Variants in KMT2D observed in about 807,000 individuals in gnomAD.
KMT2D encodes lysine methyltransferase 2D.
Under a neutral mutation model 512.7 loss-of-function variants are expected in KMT2D, and 55 were observed. The ratio of observed to expected loss-of-function variants is 0.11; its 90% CI spans 0.09 to 0.13. The LOEUF is 0.13. Ranked by LOEUF, KMT2D falls within the 10% of genes least tolerant of loss-of-function variation. The pLI is 1.00. For synonymous variants in KMT2D, 2,995 were observed against 2,904.0 expected, an observed-to-expected ratio of 1.03 and a Z score of -1.01; for missense variants, 6,061 against 7,127.9, an observed-to-expected ratio of 0.85 and a Z score of 5.39.
rs1943590135 is a variant in KMT2D at position 49,042,537 on chromosome 12, C to T, written c.5867+24G>A. On this transcript the variant is annotated intron_variant, in intron 28 of 54. Coordinates refer to ENST00000301067, the MANE Select transcript of KMT2D (RefSeq NM_003482.4). This position sits in a 1 kb window ranked among gnomAD's most constrained non-coding sequence, Gnocchi z 4.4. ...GGGAAAGGACAACGAGGACTGCCCA[C>T]AAAGGTTACGCAGAGACACCAACCT... The T allele has an allele frequency of 6.2e-7, 1 of 1,611,166 alleles. No individual in the cohort carries two copies. Among genetic ancestry groups the T allele is most frequent in the South Asian group, 1.1e-5 (1 of 90,870 alleles).
Position 49,041,851 on chromosome 12 carries a change from A to G in KMT2D, c.6183+66T>C. ...AGTGGGGAGCGGAAAGAACTGAGGT[A>G]AATTACCCAAAGATCCCTCCCTCCC... On this transcript the variant is annotated intron_variant, in intron 30 of 54. Coordinates refer to ENST00000301067, the MANE Select transcript of KMT2D (RefSeq NM_003482.4). The surrounding 1 kb of genome is among the most constrained non-coding windows in gnomAD (Gnocchi z 5.4). The G allele has an allele frequency of 6.5e-7, 1 of 1,535,092 alleles. No homozygotes were observed.
In KMT2D at chr12:49,024,652, A is replaced by G; in HGVS notation, c.15978T>C (p.Leu5326=). Residue 5326 remains leucine (L), a synonymous_variant, in exon 51 of 55, where the codon CTT becomes CTC. Transcript: ENST00000301067. The surrounding 1 kb of genome is among the most constrained non-coding windows in gnomAD (Gnocchi z 4.5). ...NYLFRYGRHP[L]MELPLMINPT... The stretch of plus-strand genomic sequence containing the variant: ...GGTTGATCATGAGTGGCAGCTCCAT[A>G]AGGGGGTGGCGCCCATAGCGGAATA... 6.2e-7 allele frequency: 1 copy of G among 1,613,802 alleles called. No individual in the cohort carries two copies. Among genetic ancestry groups the G allele is most frequent in the Middle Eastern group, 1.7e-4 (1 of 6,060 alleles).
At chr12:49,023,927 C>A in intron 51 of KMT2D, 1 of 374,598 alleles carries the variant, frequency 2.7e-6, no homozygotes, top group Non-Finnish European at 5.2e-6. Flanking sequence ...ACAGAAAGAA[C>A]AAGGACCTGC....
In KMT2D at chr12:49,046,273, G is replaced by A. The variant is rs1411795103; in HGVS notation, c.4570C>T (p.Arg1524Cys). 1.6e-5 allele frequency: 26 copies of A among 1,613,856 alleles called. No individual in the cohort carries two copies. The highest frequency in any genetic ancestry group is 2.1e-5 in the Non-Finnish European group (25 of 1,179,884). The change falls in exon 17 of 55, where the codon CGC becomes TGC. Residue 1524 changes from arginine to cysteine, a missense_variant. By Grantham distance (180) the Arg-to-Cys change is radical. Transcript: ENST00000301067. This position sits in a 1 kb window ranked among gnomAD's most constrained non-coding sequence, Gnocchi z 4.2. The part of the protein sequence containing the change: ...YVEEDLLIQC[R>C]HCERWMHAGC... ...GGATGTTCTCACCGTTCACAGTGGC[G>A]GCACTGGATTAGTAGGTCCTCTTCT...
chr12:49,033,973 G>T lies in KMT2D; in HGVS notation c.10741-9C>A. The T allele has an allele frequency of 6.5e-7, 1 of 1,536,100 alleles. No individual in the cohort carries two copies. The highest frequency in any genetic ancestry group is 2.4e-5 in the East Asian group (1 of 41,038). ...TTCTGCTGTTTCCGGACCTAACATGGGAGGGTCGGAGAGGTCAGGCTGGGG... is the reference window on the plus strand; with the variant it reads ...TTCTGCTGTTTCCGGACCTAACATGTGAGGGTCGGAGAGGTCAGGCTGGGG... On this transcript the variant is annotated splice_polypyrimidine_tract_variant and intron_variant, in intron 39 of 54. Coordinates refer to ENST00000301067, the MANE Select transcript of KMT2D (RefSeq NM_003482.4).
Position 49,044,672 on chromosome 12 carries a change from C to A in KMT2D, c.4963+72G>T, listed in dbSNP as rs1565804068. The A allele has an allele frequency of 3.9e-6, 6 of 1,552,028 alleles. No individual in the cohort carries two copies. Among genetic ancestry groups the A allele is most frequent in the Non-Finnish European group, 4.4e-6 (5 of 1,133,370 alleles). ...AAGGGTAACTGAGTGGCAATGTAGC[C>A]CCCACCCAACATCCCACTCCCAGAG... On this transcript the variant is annotated intron_variant, in intron 20 of 54. Transcript: ENST00000301067. The surrounding 1 kb of genome is among the most constrained non-coding windows in gnomAD (Gnocchi z 6.4).
chr12:49,058,453 A>T (rs1565829655), intron 1 of KMT2D, among the ~76,000 whole-genome samples: 1 of 152,202 alleles, frequency 6.6e-6, no homozygotes, highest in Non-Finnish European at 1.5e-5. Context: ...GGAGCAGATA[A>T]GAGTGAGGGA....
In KMT2D at chr12:49,051,836, G is replaced by A. The variant is rs1421394707; in HGVS notation, c.1847C>T (p.Pro616Leu). 2 of 1,612,388 alleles carry A rather than the reference G, an allele frequency of 1.2e-6. No individual in the cohort carries two copies. Among genetic ancestry groups the A allele is most frequent in the Non-Finnish European group, 1.7e-6 (2 of 1,179,080 alleles). ...TGATGCCTCAGGTGGTGGGGAAAGG[G>A]GAGACTCCTCAGGTGGAGGGGACAG... ...SPLSPPPEES[P>L]LSPPPEASRL... is the part of the protein sequence containing the mutation. Residue 616 changes from proline (P) to leucine (L), a missense_variant, in exon 11 of 55, where the codon CCC becomes CTC. By Grantham distance (98) the Pro-to-Leu change is moderately conservative. Around this residue, in one of 16 missense-constraint regions of KMT2D, gnomAD observed 848 missense variants for 838.5 expected, o/e 1.01. Coordinates refer to ENST00000301067, the MANE Select transcript of KMT2D (RefSeq NM_003482.4).
In KMT2D at chr12:49,050,650, T is replaced by A. The variant is rs2120654630; in HGVS notation, c.2938A>T (p.Thr980Ser). 5.0e-6 allele frequency: 8 copies of A among 1,612,732 alleles called. No homozygotes were observed. The highest frequency in any genetic ancestry group is 6.8e-6 in the Non-Finnish European group (8 of 1,179,466). Residue 980 changes from threonine to serine, a missense_variant, in exon 12 of 55, where the codon ACA (threonine) becomes TCA (serine). This residue lies in a region of KMT2D where 447 missense variants were observed against 500.1 expected (regional missense o/e 0.89). Coordinates refer to ENST00000301067, the MANE Select transcript of KMT2D (RefSeq NM_003482.4). Reference sequence around the variant, plus strand: ...GCTTCTGGTGGAGGGCTGATGGGTGTCTCCAGGATGGGGGCAGCCAACGGT... The same window carrying A: ...GCTTCTGGTGGAGGGCTGATGGGTGACTCCAGGATGGGGGCAGCCAACGGT... ...ESPLAAPILE[T>S]PISPPPEANC...
intron 15 of KMT2D, among the ~76,000 whole-genome samples, chr12:49,047,677 C>T (rs1224536876): frequency 6.6e-6 from 1 of 151,794 alleles, no homozygotes; most frequent in Non-Finnish European, 1.5e-5. Context: ...ACCTAGGCCT[C>T]CCAAAGTGCT....
chr12:49,029,047 AG>A lies in KMT2D; in HGVS notation c.14251+13del. Reference sequence around the variant, plus strand: ...GGTGAACTGGGCCTGGCCCACATCCAGAGTAGCACATACCTGGGATGCTGGC... The same window carrying A: ...GGTGAACTGGGCCTGGCCCACATCCAAGTAGCACATACCTGGGATGCTGGC... On this transcript the variant is annotated intron_variant, in intron 45 of 54. Transcript: ENST00000301067. 6.2e-7 allele frequency: 1 copy of A among 1,601,458 alleles called. No individual in the cohort carries two copies. Among genetic ancestry groups the A allele is most frequent in the Non-Finnish European group, 8.5e-7 (1 of 1,171,620 alleles).
intron 7 of KMT2D, 25 bp from the exon 8 acceptor site, chr12:49,053,346 A>G: frequency 1.2e-6 from 2 of 1,604,832 alleles, no homozygotes; most frequent in Non-Finnish European, 1.7e-6. Context: ...GGAACATTAC[A>G]GTGTCCTCTC....
rs1943126361 is a variant in KMT2D at position 49,034,563 on chromosome 12, C to A, written c.10440+19G>T. 1.2e-6 allele frequency: 2 copies of A among 1,612,994 alleles called. No individual in the cohort carries two copies. The highest frequency in any genetic ancestry group is 2.7e-5 in the African/African-American group (2 of 75,042). On this transcript the variant is annotated intron_variant, in intron 37 of 54. Coordinates refer to ENST00000301067, the MANE Select transcript of KMT2D (RefSeq NM_003482.4). The stretch of plus-strand genomic sequence containing the variant: ...CAGTGGCATAAGACACAAGTTCCTA[C>A]TCCCACCTGACCACTTACCTGGCCA...
At position 49,022,121 on chromosome 12, in the gene KMT2D, A is replaced by G. The variant is rs1386561628; in HGVS notation, c.16443T>C (p.Cys5481=). 7 of 1,613,888 alleles carry G rather than the reference A, an allele frequency of 4.3e-6. No homozygotes were observed. Among genetic ancestry groups the G allele is most frequent in the Non-Finnish European group, 5.9e-6 (7 of 1,179,866 alleles). ...TGTCAAATGTCACGACTTCGGCCAC[A>G]CAGTTAGGGGCACAGGAATGGTTAA... The part of the protein sequence containing the change: ...RYINHSCAPN[C]VAEVVTFDKE... The change falls in exon 54 of 55, where the codon TGT becomes TGC. Residue 5481 remains cysteine (C), a synonymous_variant. Transcript: ENST00000301067. This position sits in a 1 kb window ranked among gnomAD's most constrained non-coding sequence, Gnocchi z 8.6.
chr12:49,036,650 G>A (rs575455235), intron 35 of KMT2D, among the ~76,000 whole-genome samples: 12 of 151,874 alleles, frequency 7.9e-5, no homozygotes, highest in African/African-American at 2.2e-4. Flanking sequence ...CACCGCGCCC[G>A]GCTCACACCC....
At position 49,055,015 on chromosome 12, in the gene KMT2D, C is replaced by T. The variant is rs2120716451; in HGVS notation, c.61G>A (p.Ala21Thr). ...KDSEPAADGP[A>T]ASEDPSATES... Reference sequence around the variant, plus strand: ...GTGGCACTTGGGTCCTCAGAAGCTGCAGGTCCATCAGCTGAATAAACAGAC... The same window carrying T: ...GTGGCACTTGGGTCCTCAGAAGCTGTAGGTCCATCAGCTGAATAAACAGAC... The change falls in exon 3 of 55, where the codon GCA (alanine) becomes ACA (threonine). Residue 21 changes from alanine to threonine, a missense_variant. By Grantham distance (58) the Ala-to-Thr change is moderately conservative (BLOSUM62 0). Coordinates refer to ENST00000301067, the MANE Select transcript of KMT2D (RefSeq NM_003482.4). 1 of 1,613,916 alleles carries T rather than the reference C, an allele frequency of 6.2e-7. No homozygotes were observed. The highest frequency in any genetic ancestry group is 2.2e-5 in the East Asian group (1 of 44,882).
rs2120530070 is a variant in KMT2D, at chr12:49,040,514, G to C, written c.7256C>G (p.Ser2419Cys). The change falls in exon 32 of 55, where the codon TCC becomes TGC. Residue 2419 changes from serine to cysteine, a missense_variant. Around this residue, in one of 16 missense-constraint regions of KMT2D, gnomAD observed 710 missense variants for 647.3 expected, o/e 1.10. Coordinates refer to ENST00000301067, the MANE Select transcript of KMT2D (RefSeq NM_003482.4). ...GGGTGTCAGTGGAGACTGGGAGCTG[G>C]ACTGGGACTGAGGACTGGCAGGCAC... ...SRVPASPQSQ[S>C]SSQSPLTPRP... 1.9e-6 allele frequency: 3 copies of C among 1,598,530 alleles called. No individual in the cohort carries two copies. Among genetic ancestry groups the C allele is most frequent in the Non-Finnish European group, 2.6e-6 (3 of 1,170,166 alleles).
rs1401724953 is a variant in KMT2D at position 49,035,732 on chromosome 12, G to A, written c.10232-797C>T. The stretch of plus-strand genomic sequence containing the variant: ...CCACCACCAAGCCCAGCTAATTTTT[G>A]TATTTTTAGTAGAAACGAGGTTTCA... On this transcript the variant is annotated intron_variant, in intron 35 of 54. Coordinates refer to ENST00000301067, the MANE Select transcript of KMT2D (RefSeq NM_003482.4). 3.3e-5 allele frequency: 5 copies of A among 152,216 alleles called. No homozygotes were observed. The South Asian group carries it at 1.0e-3, about 32-fold the overall frequency. 9.4% of individuals were successfully genotyped at this position (152,216 alleles called of 1,614,324 possible).
rs749988780 is a variant in KMT2D at position 49,048,081 on chromosome 12, C to A, written c.4132-12G>T. On this transcript the variant is annotated splice_polypyrimidine_tract_variant and intron_variant, in intron 14 of 54. Coordinates refer to ENST00000301067, the MANE Select transcript of KMT2D (RefSeq NM_003482.4). Reference sequence around the variant, plus strand: ...ACCACACACATGTCCTGGGGAAACACAGAGAAACCCAAATGTCCAACTAGA... The same window carrying A: ...ACCACACACATGTCCTGGGGAAACAAAGAGAAACCCAAATGTCCAACTAGA... 22 of 1,563,364 alleles carry A rather than the reference C, an allele frequency of 1.4e-5. No individual in the cohort carries two copies. The highest frequency in any genetic ancestry group is 1.8e-5 in the Non-Finnish European group (21 of 1,136,188).
Sources: gnomAD v4.1 joint callset for allele counts (sites outside exome capture counted in the v4.1 genomes callset) on GRCh38, gnomAD v4.1.1 for gene constraint, gnomAD v4.1.1 regional missense constraint, Gnocchi (gnomAD v3.1) non-coding constraint, MANE v1.5 for transcripts, NCBI Gene and HGNC (gene_info 2026-07-23, HGNC 2026-07-21) for gene names.